The following RASGEF1C variants were observed in gnomAD, a reference collection of about 807,000 sequenced individuals.
RASGEF1C encodes ras-GEF domain-containing family member 1C.
In RASGEF1C, 27 loss-of-function variants were observed where a neutral mutation model predicts 58.1. The observed-to-expected ratio is 0.46, with a 90% CI of 0.34 to 0.64. The LOEUF (loss-of-function observed/expected upper bound fraction) is 0.64. RASGEF1C is among the 30% of genes least tolerant of loss of function. The pLI, the probability that RASGEF1C is intolerant of heterozygous loss-of-function variation, is 0.01. For missense variants in RASGEF1C, 502 were observed against 605.1 expected, an observed-to-expected ratio of 0.83 and a Z score of 1.79; for synonymous variants, 243 against 246.3, an observed-to-expected ratio of 0.99 and a Z score of 0.13.
At chr5:180,171,204 G>A (rs1767102013) in intron 1 of RASGEF1C, among the ~76,000 whole-genome samples, 1 of 152,046 alleles carries the variant, frequency 6.6e-6, no homozygotes, top group South Asian at 2.1e-4. Flanking sequence ...CCATTCTCAG[G>A]AGCTTAGGGT....
intron 8 of RASGEF1C, 48 bp from the exon 9 acceptor site, chr5:180,118,914 G>T (rs1416470397): frequency 1.3e-6 from 2 of 1,560,410 alleles, no homozygotes; most frequent in Non-Finnish European, 8.8e-7. Flanking sequence ...GGACAGGGGG[G>T]CCTCTGCGTA....
chr5:180,151,870 A>G, intron 1 of RASGEF1C, among the ~76,000 whole-genome samples: 1 of 68,616 alleles, frequency 1.5e-5, no homozygotes, highest in African/African-American at 3.6e-5. Flanking sequence ...ACAAATTTAC[A>G]AGAAAAAAAC....
In RASGEF1C at chr5:180,155,302, GGA is replaced by G. The variant is rs1392176309; in HGVS notation, c.-6-17246_-6-17245del. Among the ~76,000 whole-genome samples the G allele has an allele frequency of 6.6e-6, 1 of 152,126 alleles. No individual in the cohort carries two copies. The highest frequency in any genetic ancestry group is 1.5e-5 in the Non-Finnish European group (1 of 68,034). On this transcript the variant is annotated intron_variant, in intron 1 of 13. Coordinates refer to ENST00000361132, the MANE Select transcript of RASGEF1C (RefSeq NM_175062.4). This position sits in a 1 kb window ranked among gnomAD's most constrained non-coding sequence, Gnocchi z 5.2. ...CTCTCCTTGGAAGAGCCTGGAGCCT[GGA>G]CACACATTTCATTTCCATTTGGGTC...
At chr5:180,161,543 G>A (rs1766944220) in intron 1 of RASGEF1C, among the ~76,000 whole-genome samples, 1 of 152,256 alleles carries the variant, frequency 6.6e-6, no homozygotes, top group Non-Finnish European at 1.5e-5. Flanking sequence ...GAGCTCTGTG[G>A]TCCTGGACGC....
chr5:180,101,633 C>T lies in RASGEF1C; in HGVS notation c.1377-108G>A, dbSNP rs921579802. ...TCAGTGCGCTGAGGAGAGCCAGCCT[C>T]CTGCCCCAGAGGGGTGTTCTGCAAA... On this transcript the variant is annotated intron_variant, in intron 13 of 13. Transcript: ENST00000361132. The T allele has an allele frequency of 1.8e-5, 25 of 1,400,386 alleles. No homozygotes were observed. The East Asian group carries it at 2.2e-4, about 12-fold the overall frequency. 86.7% of individuals were successfully genotyped at this position (1,400,386 alleles called of 1,614,324 possible). A position where few individuals can be genotyped will look rare whatever the true frequency, so the allele number is the denominator to read the frequency against.
chr5:180,114,101 C>T (rs114050830), intron 11 of RASGEF1C, among the ~76,000 whole-genome samples: 3,743 of 152,272 alleles, frequency 0.025, 167 homozygotes, highest in African/African-American at 0.086. Flanking sequence ...CTGGTCCTGA[C>T]CCCCAGGGCA....
Position 180,173,781 on chromosome 5 carries a change from T to G in RASGEF1C, c.-7+35247A>C, listed in dbSNP as rs111660161. Among the ~76,000 whole-genome samples, 199 of 152,032 alleles carry G rather than the reference T, an allele frequency of 1.3e-3. 1 individual carries two copies. The highest frequency in any genetic ancestry group is 3.4e-4 in the Non-Finnish European group (23 of 67,984). ...TACAGAAATTAGCTGGGCGTGGTGG[T>G]GGGCGCCTGTAATCCCAGCTGCTAG... is the stretch of plus-strand genomic sequence containing the variant. On this transcript the variant is annotated intron_variant, in intron 1 of 13. Coordinates refer to ENST00000361132, the MANE Select transcript of RASGEF1C (RefSeq NM_175062.4).
At chr5:180,141,328 A>G (rs1412705262) in intron 1 of RASGEF1C, among the ~76,000 whole-genome samples, 1 of 152,242 alleles carries the variant, frequency 6.6e-6, no homozygotes, top group Admixed American at 6.5e-5. Context: ...AGCGTCCATC[A>G]GTGACGAATG....
rs929209517 is a variant in RASGEF1C, at chr5:180,101,189, G to A, written c.*312C>T. 1 of 425,018 alleles carries A rather than the reference G, an allele frequency of 2.4e-6. No individual in the cohort carries two copies. Among genetic ancestry groups the A allele is most frequent in the Non-Finnish European group, 4.3e-6 (1 of 234,936 alleles). 26.3% of individuals were successfully genotyped at this position (425,018 alleles called of 1,614,324 possible). A position where few individuals can be genotyped will look rare whatever the true frequency, so the allele number is the denominator to read the frequency against. On this transcript the variant is annotated 3_prime_UTR_variant, in exon 14 of 14. Transcript: ENST00000361132. Reference sequence around the variant, plus strand: ...CGAGCTTGCAGTGGTCCCACCCTCTGGGGCAGTGTTGTGTCCTTGCCGAGG... The same window carrying A: ...CGAGCTTGCAGTGGTCCCACCCTCTAGGGCAGTGTTGTGTCCTTGCCGAGG...
chr5:180,200,383 C>T (rs1263496101), intron 1 of RASGEF1C, among the ~76,000 whole-genome samples: 3 of 126,890 alleles, frequency 2.4e-5, no homozygotes, highest in Non-Finnish European at 4.8e-5. Context: ...GATCTAGGCT[C>T]ACTGCAAGCT....
Position 180,114,107 on chromosome 5 carries a change from G to A in RASGEF1C, c.1179+339C>T, listed in dbSNP as rs557857401. 3.9e-5 allele frequency among the ~76,000 whole-genome samples: 6 copies of A among 152,298 alleles called. No individual in the cohort carries two copies. In the East Asian group the frequency reaches 1.2e-3, roughly 29 times the overall value. Reference sequence around the variant, plus strand: ...GCCTTTGGGCTGGTCCTGACCCCCAGGGCACAGCCCCTGTCACAGCACCTT... The same window carrying A: ...GCCTTTGGGCTGGTCCTGACCCCCAAGGCACAGCCCCTGTCACAGCACCTT... On this transcript the variant is annotated intron_variant, in intron 11 of 13. Coordinates refer to ENST00000361132, the MANE Select transcript of RASGEF1C (RefSeq NM_175062.4).
At chr5:180,205,862 A>G (rs1756477961) in intron 1 of RASGEF1C, among the ~76,000 whole-genome samples, 1 of 151,972 alleles carries the variant, frequency 6.6e-6, no homozygotes, top group Non-Finnish European at 1.5e-5. Flanking sequence ...CCTCCCAAGT[A>G]GCTGGGATTA....
rs745611293 is a variant in RASGEF1C at position 180,155,989 on chromosome 5, C to CTAT, written c.-6-17934_-6-17932dup. ...CCTGGGCTTTGCTTCGAGACAATTACTATTATTATTATTACAGCATGAACA... is the reference window on the plus strand; with the variant it reads ...CCTGGGCTTTGCTTCGAGACAATTACTATTATTATTATTATTACAGCATGAACA... On this transcript the variant is annotated intron_variant, in intron 1 of 13. Transcript: ENST00000361132. The surrounding 1 kb of genome is among the most constrained non-coding windows in gnomAD (Gnocchi z 5.2). Among the ~76,000 whole-genome samples the CTAT allele has an allele frequency of 2.6e-5, 4 of 152,078 alleles. No homozygotes were observed. Among genetic ancestry groups the CTAT allele is most frequent in the African/African-American group, 9.7e-5 (4 of 41,420 alleles).
chr5:180,102,090 C>CT lies in RASGEF1C; in HGVS notation c.1356dup (p.Glu453ArgfsTer20). ...ACTCACCTTAGAGCTTTCCATCTTTCTTTTTCTGTTTGGTTCTCTGGGCTC... is the reference window on the plus strand; with the variant it reads ...ACTCACCTTAGAGCTTTCCATCTTTCTTTTTTCTGTTTGGTTCTCTGGGCTC... On this transcript the variant is annotated frameshift_variant, in exon 13 of 14. Transcript: ENST00000361132. LOFTEE classifies it high-confidence loss of function. 1 of 1,602,984 alleles carries CT rather than the reference C, an allele frequency of 6.2e-7. No individual in the cohort carries two copies. The highest frequency in any genetic ancestry group is 8.5e-7 in the Non-Finnish European group (1 of 1,169,828).
chr5:180,109,273 G>A (rs539762764), intron 12 of RASGEF1C, among the ~76,000 whole-genome samples: 4 of 152,212 alleles, frequency 2.6e-5, no homozygotes, highest in East Asian at 3.9e-4. Flanking sequence ...TGGCTAACAT[G>A]GTGAAACCCC....
At position 180,137,996 on chromosome 5, in the gene RASGEF1C, G is replaced by A; in HGVS notation, c.57C>T (p.Pro19=). Residue 19 remains proline, a synonymous_variant, in exon 2 of 14, where the codon CCC becomes CCT. Transcript: ENST00000361132. This position sits in a 1 kb window ranked among gnomAD's most constrained non-coding sequence, Gnocchi z 4.1. ...DMVTPGSLSP[P]PTEPTDGEQA... ...GTTCGCCATCTGTGGGCTCGGTGGG[G>A]GGTGGGCTGAGGCTGCCTGGGGTGA... 6.3e-7 allele frequency: 1 copy of A among 1,580,776 alleles called. No homozygotes were observed. Among genetic ancestry groups the A allele is most frequent in the Non-Finnish European group, 8.6e-7 (1 of 1,169,200 alleles).
chr5:180,169,402 G>A (rs1767067797), intron 1 of RASGEF1C, among the ~76,000 whole-genome samples: 1 of 152,124 alleles, frequency 6.6e-6, no homozygotes, highest in Non-Finnish European at 1.5e-5. Flanking sequence ...CCCTTTGAAG[G>A]GGGCTCCAGT....
chr5:180,105,233 G>A (rs1765856092), intron 12 of RASGEF1C, among the ~76,000 whole-genome samples: 1 of 152,150 alleles, frequency 6.6e-6, no homozygotes, highest in Non-Finnish European at 1.5e-5. Context: ...GCACTTTACA[G>A]CTTCCCTTTG....
chr5:180,105,202 T>C (rs1017478221), intron 12 of RASGEF1C, among the ~76,000 whole-genome samples: 2 of 152,220 alleles, frequency 1.3e-5, no homozygotes, highest in African/African-American at 2.4e-5. Context: ...TTGAGAACTT[T>C]CACCTCATCA....
Sources: gnomAD v4.1 joint callset for allele counts (sites outside exome capture counted in the v4.1 genomes callset) on GRCh38, gnomAD v4.1.1 for gene constraint, Gnocchi (gnomAD v3.1) non-coding constraint, MANE v1.5 for transcripts, NCBI Gene and HGNC (gene_info 2026-07-23, HGNC 2026-07-21) for gene names.